The following GRID1 variants were observed in gnomAD, a reference collection of about 807,000 sequenced individuals.
GRID1 encodes glutamate receptor ionotropic, delta-1.
GRID1 carries 28 observed loss-of-function variants against 98.0 expected under a neutral mutation model. The ratio of observed to expected loss-of-function variants is 0.29; its 90% confidence interval spans 0.21 to 0.39. The LOEUF (loss-of-function observed/expected upper bound fraction) is 0.39, where lower values mean the gene tolerates loss of function less well. GRID1 is among the 10% of genes least tolerant of loss of function. The pLI, the probability that GRID1 is intolerant of heterozygous loss-of-function variation, is 1.00. For synonymous variants in GRID1, 553 were observed against 538.5 expected (o/e 1.03, Z -0.37); for missense variants, 1,111 against 1,340.5 (o/e 0.83, Z 2.67).
chr10:85,694,839 A>T (rs1841376376), intron 12 of GRID1, among the ~76,000 whole-genome samples: 2 of 151,760 alleles, frequency 1.3e-5, no homozygotes, highest in African/African-American at 2.4e-5. Context: ...GGTGACAATG[A>T]GAAATTACTT....
At chr10:86,047,822 A>C (rs767578385) in intron 4 of GRID1, among the ~76,000 whole-genome samples, 2 of 152,210 alleles carry the variant, frequency 1.3e-5, no homozygotes, top group Non-Finnish European at 2.9e-5. Context: ...ACAAAACCAC[A>C]AACTAGGGAG....
At chr10:86,248,680 C>T (rs906422025) in intron 2 of GRID1, among the ~76,000 whole-genome samples, 1 of 151,066 alleles carries the variant, frequency 6.6e-6, no homozygotes, top group African/African-American at 2.4e-5. Flanking sequence ...TCAAGCGATC[C>T]TCCTACTTCA....
At chr10:85,713,687 A>G (rs561949528) in intron 12 of GRID1, among the ~76,000 whole-genome samples, 2 of 151,868 alleles carry the variant, frequency 1.3e-5, no homozygotes, top group East Asian at 3.9e-4. Flanking sequence ...AGGATGCAAG[A>G]ATGGCTTAAC....
At chr10:86,235,733 G>T (rs961573267) in intron 2 of GRID1, among the ~76,000 whole-genome samples, 2 of 152,112 alleles carry the variant, frequency 1.3e-5, no homozygotes, top group African/African-American at 4.8e-5. Context: ...TCATTCTTTT[G>T]TATTTCTGAG....
chr10:86,150,311 C>T (rs922439353), intron 3 of GRID1, among the ~76,000 whole-genome samples: 6 of 152,206 alleles, frequency 3.9e-5, no homozygotes, highest in African/African-American at 1.4e-4. Flanking sequence ...TTCTTTTCTC[C>T]CTCTCTGCGG....
At chr10:85,869,609 G>C (rs947546809) in intron 5 of GRID1, among the ~76,000 whole-genome samples, 2 of 152,160 alleles carry the variant, frequency 1.3e-5, no homozygotes, top group African/African-American at 2.4e-5. Context: ...AATTCTTCCA[G>C]AATTACATTC....
intron 2 of GRID1, among the ~76,000 whole-genome samples, chr10:86,330,667 G>C (rs1454309399): frequency 2.6e-5 from 4 of 152,208 alleles, no homozygotes; most frequent in African/African-American, 9.7e-5. Context: ...TTTGTGTGAG[G>C]CCACATAGCC....
intron 4 of GRID1, among the ~76,000 whole-genome samples, chr10:86,051,507 A>T (rs1295926435): frequency 6.6e-6 from 1 of 151,094 alleles, no homozygotes; most frequent in Non-Finnish European, 1.5e-5. Context: ...CTGTTTCATG[A>T]AGGGAAAAGG....
rs772061334 is a variant in GRID1 at position 85,602,441 on chromosome 10, C to T, written c.2862G>A (p.Pro954=). 37 of 1,614,012 alleles carry T rather than the reference C, an allele frequency of 2.3e-5. No homozygotes were observed. Among genetic ancestry groups the T allele is most frequent in the East Asian group, 4.5e-5 (2 of 44,872 alleles). ...SSGPSSNLPL[P]LSSSATMPSM... is the part of the protein sequence containing the mutation. The stretch of plus-strand genomic sequence containing the variant: ...AGGGCATGGTCGCCGAGCTGCTCAG[C>T]GGCAGCGGCAGGTTGCTGCTGGGCC... The change falls in exon 16 of 16, where the codon CCG becomes CCA. Residue 954 remains proline, a synonymous_variant. Transcript: ENST00000327946.
At chr10:85,921,240 T>C (rs1841699108) in intron 4 of GRID1, among the ~76,000 whole-genome samples, 1 of 152,206 alleles carries the variant, frequency 6.6e-6, no homozygotes, top group Non-Finnish European at 1.5e-5. Flanking sequence ...CTTATGTGTA[T>C]ATCCACATCT....
At chr10:85,694,333 T>A (rs1189244575) in intron 12 of GRID1, among the ~76,000 whole-genome samples, 1 of 151,830 alleles carries the variant, frequency 6.6e-6, no homozygotes, top group African/African-American at 2.4e-5. Flanking sequence ...GGAATGTAAA[T>A]TAATTAGTAC....
intron 2 of GRID1, among the ~76,000 whole-genome samples, chr10:86,313,085 C>T (rs756931593): frequency 2.6e-5 from 4 of 152,188 alleles, no homozygotes; most frequent in Non-Finnish European, 5.9e-5. Flanking sequence ...TGGACAGAGC[C>T]GCCAGTCAGG....
At chr10:86,340,780 G>C (rs543192490) in intron 2 of GRID1, among the ~76,000 whole-genome samples, 1 of 152,326 alleles carries the variant, frequency 6.6e-6, no homozygotes, top group African/African-American at 2.4e-5. Context: ...CCTACAAAGA[G>C]GGAGCAGAGC....
chr10:86,067,214 C>T (rs748140892), intron 4 of GRID1, among the ~76,000 whole-genome samples: 2 of 152,210 alleles, frequency 1.3e-5, no homozygotes, highest in Non-Finnish European at 2.9e-5. Context: ...TTAGCAAATG[C>T]TGATTAGAGG....
At chr10:86,259,908 A>G in intron 2 of GRID1, among the ~76,000 whole-genome samples, 1 of 152,244 alleles carries the variant, frequency 6.6e-6, no homozygotes, top group Non-Finnish European at 1.5e-5. Flanking sequence ...GCACCTAGTC[A>G]CCTGGCTCAC....
intron 13 of GRID1, among the ~76,000 whole-genome samples, chr10:85,641,875 G>A (rs968457070): frequency 1.3e-5 from 2 of 152,156 alleles, no homozygotes; most frequent in African/African-American, 2.4e-5. Context: ...GCTATTCAAC[G>A]GTGCAGAGCT....
chr10:85,818,845 G>C (rs1254308000), intron 8 of GRID1, among the ~76,000 whole-genome samples: 1 of 151,984 alleles, frequency 6.6e-6, no homozygotes, highest in Admixed American at 6.6e-5. Flanking sequence ...AGCCTCCTGA[G>C]TAGCTGGGAC....
At chr10:86,156,758 C>T (rs547822410) in intron 3 of GRID1, among the ~76,000 whole-genome samples, 1 of 152,240 alleles carries the variant, frequency 6.6e-6, no homozygotes, top group Non-Finnish European at 1.5e-5. Context: ...TAGAACAAGT[C>T]ATGTCCAGGT....
At chr10:86,139,848 C>A (rs534254844) in intron 3 of GRID1, among the ~76,000 whole-genome samples, 1 of 152,356 alleles carries the variant, frequency 6.6e-6, no homozygotes, top group Admixed American at 6.5e-5. Context: ...TTGCACTGCA[C>A]ACTGCTACAA....
Sources: allele counts gnomAD v4.1 joint callset (sites outside exome capture counted in the v4.1 genomes callset), GRCh38; gene constraint gnomAD v4.1.1; transcripts MANE v1.5; gene names NCBI Gene and HGNC (gene_info 2026-07-23, HGNC 2026-07-21).